VAV3: variants seen among roughly 807,000 people sequenced by gnomAD.
VAV3 encodes vav guanine nucleotide exchange factor 3, also known as guanine nucleotide exchange factor VAV3.
Under a neutral mutation model 131.2 loss-of-function variants are expected in VAV3, and 94 were observed. That is an observed-to-expected ratio of 0.72 (90% CI 0.61 to 0.85). The LOEUF (loss-of-function observed/expected upper bound fraction) is 0.85. VAV3 is among the 40% of genes least tolerant of loss of function. VAV3 has a pLI of 0.00. For missense variants in VAV3, 939 were observed against 1,002.7 expected (o/e 0.94, Z 0.86); for synonymous variants, 349 against 342.0 (o/e 1.02, Z -0.22).
intron 1 of VAV3, among the ~76,000 whole-genome samples, chr1:107,945,149 C>T (rs1194116319): frequency 6.6e-6 from 1 of 152,070 alleles, no homozygotes; most frequent in Non-Finnish European, 1.5e-5. Context: ...GTGAAGAATG[C>T]TGGCTAAGAT....
rs147391418 is a variant in VAV3, at chr1:107,820,388, T to C, written c.322-40896A>G. ...AAAGACAAACTTCACATGTTCTCACTCATCTGTGGGAGCTAAAAATTAAAA... is the reference window on the plus strand; with the variant it reads ...AAAGACAAACTTCACATGTTCTCACCCATCTGTGGGAGCTAAAAATTAAAA... On this transcript the variant is annotated intron_variant, in intron 2 of 26. Coordinates refer to ENST00000370056, the MANE Select transcript of VAV3 (RefSeq NM_006113.5). Among the ~76,000 whole-genome samples the C allele has an allele frequency of 1.3e-4, 20 of 152,250 alleles. No individual in the cohort carries two copies. In the East Asian group the frequency reaches 2.3e-3, roughly 18 times the overall value.
intron 22 of VAV3, among the ~76,000 whole-genome samples, chr1:107,605,408 T>G (rs899672512): frequency 1.3e-5 from 2 of 152,194 alleles, no homozygotes; most frequent in African/African-American, 2.4e-5. Context: ...TCTCTCCCAC[T>G]GCTTCCTCGC....
intron 2 of VAV3, among the ~76,000 whole-genome samples, chr1:107,843,292 G>T (rs1668810275): frequency 6.7e-6 from 1 of 150,308 alleles, no homozygotes; most frequent in Non-Finnish European, 1.5e-5. Context: ...ATAAAATAAG[G>T]ATGATAAGAG....
chr1:107,964,533 G>T, intron 1 of VAV3, 133 bp downstream of exon 1: 2 of 979,198 alleles, frequency 2.0e-6, no homozygotes, highest in Non-Finnish European at 2.9e-6. Context: ...GTGCCGAAGT[G>T]GTCCCAAAGC....
Position 107,887,733 on chromosome 1 carries a change from C to T in VAV3, c.205-12716G>A, listed in dbSNP as rs546395391. ...CTTCTGAATGGTACCACTACGATAC[C>T]CCAACCCATACACCAACACAACCCC... On this transcript the variant is annotated intron_variant, in intron 1 of 26. Coordinates refer to ENST00000370056, the MANE Select transcript of VAV3 (RefSeq NM_006113.5). Among the ~76,000 whole-genome samples the T allele has an allele frequency of 2.0e-5, 3 of 152,104 alleles. No individual in the cohort carries two copies. In the East Asian group the frequency reaches 5.8e-4, roughly 29 times the overall value.
At chr1:107,662,826 T>C (rs12064875) in intron 19 of VAV3, among the ~76,000 whole-genome samples, 9,809 of 152,192 alleles carry the variant, frequency 0.064, 806 homozygotes, top group African/African-American at 0.2. Flanking sequence ...TTGGTAACCT[T>C]ATCCAACTCC....
chr1:107,799,646 G>A (rs1666732891), intron 2 of VAV3, among the ~76,000 whole-genome samples: 1 of 151,480 alleles, frequency 6.6e-6, no homozygotes, highest in South Asian at 2.1e-4. Context: ...TCAAATCAGG[G>A]CAATTGGCAT....
intron 7 of VAV3, 56 bp from the exon 8 acceptor site, chr1:107,766,606 C>T (rs1256771451): frequency 7.4e-7 from 1 of 1,349,002 alleles, no homozygotes; most frequent in Non-Finnish European, 1.0e-6. Flanking sequence ...AAAAATACAC[C>T]CCAAACCCAG....
At chr1:107,611,596 CAA>C (rs66982121) in intron 21 of VAV3, among the ~76,000 whole-genome samples, 29 of 119,958 alleles carry the variant, frequency 2.4e-4, no homozygotes, top group Non-Finnish European at 4.1e-4. Context: ...CATAGAGAAC[CAA>C]AAAAAAAAAA....
At chr1:107,934,883 G>A (rs1673631766) in intron 1 of VAV3, among the ~76,000 whole-genome samples, 1 of 152,222 alleles carries the variant, frequency 6.6e-6, no homozygotes. Context: ...AATGAGAGGA[G>A]ACGTGCTACA....
At chr1:107,959,490 C>T (rs1215864210) in intron 1 of VAV3, among the ~76,000 whole-genome samples, 1 of 152,036 alleles carries the variant, frequency 6.6e-6, no homozygotes, top group Non-Finnish European at 1.5e-5. Context: ...ATCTTCTATC[C>T]TCAGTCCTTA....
chr1:107,693,691 T>C (rs1479039360), intron 17 of VAV3, among the ~76,000 whole-genome samples: 1 of 152,136 alleles, frequency 6.6e-6, no homozygotes, highest in Non-Finnish European at 1.5e-5. Context: ...AATAGTCCTA[T>C]TATGGGAAAA....
chr1:107,812,247 T>C (rs1208332186), intron 2 of VAV3, among the ~76,000 whole-genome samples: 1 of 152,184 alleles, frequency 6.6e-6, no homozygotes, highest in Non-Finnish European at 1.5e-5. Flanking sequence ...GACACTCTTG[T>C]GCATAGATAG....
At chr1:107,635,247 T>C (rs561999500) in intron 20 of VAV3, among the ~76,000 whole-genome samples, 4 of 152,004 alleles carry the variant, frequency 2.6e-5, no homozygotes, top group Admixed American at 2.6e-4. Context: ...TAGACTGGAT[T>C]AAGAAAATGT....
intron 15 of VAV3, among the ~76,000 whole-genome samples, chr1:107,740,241 C>G (rs1038632726): frequency 6.6e-6 from 1 of 151,146 alleles, no homozygotes; most frequent in Non-Finnish European, 1.5e-5. Context: ...GAGCTGAGAT[C>G]GCGCCACTGT....
chr1:107,844,608 G>A (rs755675192), intron 2 of VAV3, among the ~76,000 whole-genome samples: 7 of 152,126 alleles, frequency 4.6e-5, no homozygotes, highest in Non-Finnish European at 1.0e-4. Flanking sequence ...GTCTGAAGTC[G>A]ACCTGGGATG....
At chr1:107,838,035 A>G (rs1435736066) in intron 2 of VAV3, among the ~76,000 whole-genome samples, 1 of 152,148 alleles carries the variant, frequency 6.6e-6, no homozygotes, top group Non-Finnish European at 1.5e-5. Flanking sequence ...GAAATTGACA[A>G]ATAGGACCTA....
intron 15 of VAV3, among the ~76,000 whole-genome samples, chr1:107,734,507 G>C (rs1022502810): frequency 6.6e-6 from 1 of 152,176 alleles, no homozygotes; most frequent in African/African-American, 2.4e-5. Flanking sequence ...TAAAGGGATG[G>C]AGGAAGATCT....
chr1:107,955,191 A>G (rs1674746972), intron 1 of VAV3, among the ~76,000 whole-genome samples: 1 of 146,796 alleles, frequency 6.8e-6, no homozygotes, highest in South Asian at 2.1e-4. Flanking sequence ...GCTAAAGAAC[A>G]GACAGATAGA....
Sources: gnomAD v4.1 joint callset for allele counts (sites outside exome capture counted in the v4.1 genomes callset) on GRCh38, gnomAD v4.1.1 for gene constraint, MANE v1.5 for transcripts, NCBI Gene and HGNC (gene_info 2026-07-23, HGNC 2026-07-21) for gene names.